Variants in NRXN1 observed in about 807,000 individuals in gnomAD.
NRXN1 encodes the protein neurexin-1.
A neutral mutation model predicts 150.9 loss-of-function variants in NRXN1; 39 were observed. The ratio of observed to expected loss-of-function variants is 0.26; its 90% CI spans 0.20 to 0.34. The LOEUF (loss-of-function observed/expected upper bound fraction) is 0.34. NRXN1 is among the 10% of genes least tolerant of loss of function. The pLI is 1.00. For missense variants in NRXN1, 1,815 were observed against 1,949.9 expected (o/e 0.93, Z 1.30); for synonymous variants, 924 against 757.0 (o/e 1.22, Z -3.62).
chr2:49,961,722 C>T (rs1398788606), intron 21 of NRXN1, among the ~76,000 whole-genome samples: 2 of 152,150 alleles, frequency 1.3e-5, no homozygotes, highest in Admixed American at 1.3e-4. Context: ...AAAAGTCCAA[C>T]ACTCTTTCCA....
chr2:49,918,915 T>C lies in NRXN1; in HGVS notation c.*3029A>G, dbSNP rs1048944023. The stretch of plus-strand genomic sequence containing the variant: ...AACAGTAAATTCCACTTGCTTAGCA[T>C]TTCCAATAATGGATAAATTGGCCTT... On this transcript the variant is annotated 3_prime_UTR_variant, in exon 23 of 23. Coordinates refer to ENST00000401669, the MANE Select transcript of NRXN1 (RefSeq NM_001330078.2). The C allele has an allele frequency of 6.6e-6, 1 of 152,094 alleles. No individual in the cohort carries two copies. Among genetic ancestry groups the C allele is most frequent in the Non-Finnish European group, 1.5e-5 (1 of 67,954 alleles). The allele number at this position is 152,094 out of a possible 1,614,324, so 9.4% of individuals were successfully genotyped here.
At chr2:50,761,251 T>C (rs1701768118) in intron 5 of NRXN1, among the ~76,000 whole-genome samples, 1 of 151,920 alleles carries the variant, frequency 6.6e-6, no homozygotes, top group African/African-American at 2.4e-5. Context: ...GTGTTATGAT[T>C]TGGCTGTGTT....
At chr2:49,993,650 G>C (rs1268882957) in intron 21 of NRXN1, among the ~76,000 whole-genome samples, 4 of 152,114 alleles carry the variant, frequency 2.6e-5, no homozygotes, top group Non-Finnish European at 5.9e-5. Flanking sequence ...TGGGGGCAGG[G>C]AGCATAAAGA....
At chr2:50,941,240 G>A (rs1405250260) in intron 2 of NRXN1, among the ~76,000 whole-genome samples, 5 of 152,042 alleles carry the variant, frequency 3.3e-5, no homozygotes, top group East Asian at 3.9e-4. Context: ...ATGAATTACC[G>A]AGTCTCGGGT....
At chr2:50,986,953 G>A (rs1697819028) in intron 2 of NRXN1, among the ~76,000 whole-genome samples, 1 of 151,734 alleles carries the variant, frequency 6.6e-6, no homozygotes, top group Admixed American at 6.6e-5. Context: ...CTTTGTAGAG[G>A]ATAATGAGAA....
chr2:50,570,406 C>T (rs997122808), intron 8 of NRXN1, among the ~76,000 whole-genome samples: 1 of 152,196 alleles, frequency 6.6e-6, no homozygotes, highest in African/African-American at 2.4e-5. Context: ...TATTAGTAAT[C>T]TCATTTAGAA....
chr2:50,453,649 C>T (rs764124684), intron 17 of NRXN1, among the ~76,000 whole-genome samples: 10 of 152,038 alleles, frequency 6.6e-5, no homozygotes, highest in Non-Finnish European at 1.3e-4. Flanking sequence ...ATAATTAATA[C>T]GGAAAGAAAA....
intron 8 of NRXN1, among the ~76,000 whole-genome samples, chr2:50,588,123 GT>G (rs1443461302): frequency 6.6e-6 from 1 of 152,114 alleles, no homozygotes; most frequent in East Asian, 1.9e-4. Context: ...CATAAATCCA[GT>G]TTTGCTGATT....
At chr2:49,941,778 C>G (rs768436197) in intron 22 of NRXN1, among the ~76,000 whole-genome samples, 1 of 151,962 alleles carries the variant, frequency 6.6e-6, no homozygotes, top group Non-Finnish European at 1.5e-5. Flanking sequence ...TAACACACAC[C>G]CCAATATACA....
At chr2:50,027,899 T>G (rs989820882) in intron 21 of NRXN1, among the ~76,000 whole-genome samples, 5 of 152,170 alleles carry the variant, frequency 3.3e-5, no homozygotes, top group Non-Finnish European at 7.3e-5. Context: ...TTGCTCCAGT[T>G]GTAAATAAGC....
chr2:50,583,634 C>A (rs1238877995), intron 8 of NRXN1, among the ~76,000 whole-genome samples: 2 of 152,064 alleles, frequency 1.3e-5, no homozygotes, highest in East Asian at 3.9e-4. Flanking sequence ...AGTAAATAGC[C>A]AAGATTTATT....
intron 17 of NRXN1, among the ~76,000 whole-genome samples, chr2:50,264,834 G>C (rs1038406498): frequency 1.3e-5 from 2 of 152,084 alleles, no homozygotes; most frequent in African/African-American, 4.8e-5. Context: ...ACAAGACCAT[G>C]AGTCTCATAT....
intron 17 of NRXN1, among the ~76,000 whole-genome samples, chr2:50,302,635 T>A (rs1264747920): frequency 6.6e-6 from 1 of 152,162 alleles, no homozygotes; most frequent in Non-Finnish European, 1.5e-5. Flanking sequence ...CTTATATAAA[T>A]GTGGCATTTT....
In NRXN1 at chr2:50,487,280, C is replaced by T. The variant is rs535198850; in HGVS notation, c.3070+8625G>A. Among the ~76,000 whole-genome samples the T allele has an allele frequency of 3.9e-5, 6 of 152,222 alleles. No individual in the cohort carries two copies. In the East Asian group the frequency reaches 5.8e-4, roughly 15 times the overall value. On this transcript the variant is annotated intron_variant, in intron 15 of 22. Coordinates refer to ENST00000401669, the MANE Select transcript of NRXN1 (RefSeq NM_001330078.2). ...TGCTATTTCACCCAGGTCTTTCTGA[C>T]GTCAAAGACTGTATTATTAATTATA... is the stretch of plus-strand genomic sequence containing the variant.
rs1162961237 is a variant in NRXN1, at chr2:50,538,281, T to C, written c.2115A>G (p.Thr705=). 10 of 1,612,862 alleles carry C rather than the reference T, an allele frequency of 6.2e-6. No individual in the cohort carries two copies. The Middle Eastern group carries it at 1.3e-3, about 212-fold the overall frequency. ...WNRYVCDCSG[T]GYLGRSCERE... ...TCTCACAGGACCTGCCAAGATAGCCTGTTCCGGAACAATCACAGACATATC... is the reference window on the plus strand; with the variant it reads ...TCTCACAGGACCTGCCAAGATAGCCCGTTCCGGAACAATCACAGACATATC... The change falls in exon 10 of 23, where the codon ACA becomes ACG. Residue 705 remains threonine (T), a synonymous_variant. Transcript: ENST00000401669.
At chr2:50,246,002 G>T (rs2066464878) in intron 17 of NRXN1, among the ~76,000 whole-genome samples, 1 of 151,660 alleles carries the variant, frequency 6.6e-6, no homozygotes, top group Admixed American at 6.6e-5. Context: ...ACAAATCAAG[G>T]TCTCATTTCA....
At chr2:50,643,170 G>A (rs1428391547) in intron 5 of NRXN1, among the ~76,000 whole-genome samples, 4 of 151,896 alleles carry the variant, frequency 2.6e-5, no homozygotes, top group African/African-American at 9.6e-5. Context: ...TCTTGATTTT[G>A]TTCCTTTTCT....
chr2:50,167,919 C>A (rs1378642725), intron 18 of NRXN1, among the ~76,000 whole-genome samples: 1 of 152,174 alleles, frequency 6.6e-6, no homozygotes, highest in Non-Finnish European at 1.5e-5. Flanking sequence ...TATTTCTCCA[C>A]TAGAAGGACT....
chr2:50,889,023 C>A (rs1680672108), intron 5 of NRXN1, among the ~76,000 whole-genome samples: 1 of 151,526 alleles, frequency 6.6e-6, no homozygotes. Context: ...ACTATCATAG[C>A]CTAAAAAGTA....
Sources: allele counts gnomAD v4.1 joint callset (sites outside exome capture counted in the v4.1 genomes callset), GRCh38; gene constraint gnomAD v4.1.1; transcripts MANE v1.5; gene names NCBI Gene and HGNC (gene_info 2026-07-23, HGNC 2026-07-21).